BAIAP2L2: variants seen among roughly 807,000 people sequenced by gnomAD.
The protein encoded by BAIAP2L2 is BAR/IMD domain-containing adapter protein 2-like 2.
A neutral mutation model predicts 60.4 loss-of-function variants in BAIAP2L2; 65 were observed. The observed-to-expected ratio is 1.08, with a 90% CI of 0.88 to 1.32. The LOEUF is 1.32. Ranked by LOEUF, BAIAP2L2 falls within the 40% of genes most tolerant of loss-of-function variation. The pLI is 0.00. For synonymous variants in BAIAP2L2, 344 were observed against 301.7 expected, an observed-to-expected ratio of 1.14 and a Z score of -1.45; for missense variants, 836 against 741.2, an observed-to-expected ratio of 1.13 and a Z score of -1.48.
chr22:38,108,094 C>A (rs2086703757), intron 3 of BAIAP2L2, among the ~76,000 whole-genome samples, 161 bp downstream of exon 3: 1 of 152,220 alleles, frequency 6.6e-6, no homozygotes. Context: ...CTGGGAGCAG[C>A]CCGGCAGGGA....
At chr22:38,094,842 C>T (rs865816686) in intron 7 of BAIAP2L2, among the ~76,000 whole-genome samples, 17 of 148,984 alleles carry the variant, frequency 1.1e-4, no homozygotes, top group Middle Eastern at 6.8e-3. Context: ...GCGTGGGAGG[C>T]GTGGGAGGGA....
At position 38,108,462 on chromosome 22, in the gene BAIAP2L2, CCT is replaced by C. The variant is rs377623090; in HGVS notation, c.128-123_128-122del. 1.2e-4 allele frequency: 85 copies of C among 736,524 alleles called. 2 individuals are homozygous for C. The highest frequency in any genetic ancestry group is 6.5e-4 in the East Asian group (24 of 36,774). 45.6% of individuals were successfully genotyped at this position (736,524 alleles called of 1,614,324 possible). A position where few individuals can be genotyped will look rare whatever the true frequency, so the allele number is the denominator to read the frequency against. On this transcript the variant is annotated intron_variant, in intron 2 of 13. Coordinates refer to ENST00000381669, the MANE Select transcript of BAIAP2L2 (RefSeq NM_025045.6). ...TGGGGTGTGGGCATCTGTGTGTGCC[CCT>C]GAGGAGGGTGTGACCAGTTGAGCTG...
At chr22:38,086,119 C>G in intron 12 of BAIAP2L2, 123 bp downstream of exon 12, 3 of 1,109,298 alleles carry the variant, frequency 2.7e-6, no homozygotes, top group Non-Finnish European at 3.9e-6. Context: ...CACTGAGGAA[C>G]AGACTGAGTG....
intron 4 of BAIAP2L2, among the ~76,000 whole-genome samples, chr22:38,106,924 C>T (rs1202044063): frequency 1.3e-5 from 2 of 152,178 alleles, no homozygotes; most frequent in Non-Finnish European, 2.9e-5. Context: ...CTGCGGCGCT[C>T]CCAGTCTTGG....
chr22:38,100,963 G>A (rs1484380053), intron 4 of BAIAP2L2, among the ~76,000 whole-genome samples: 3 of 152,178 alleles, frequency 2.0e-5, no homozygotes, highest in South Asian at 2.1e-4. Context: ...CCTAGGGGGC[G>A]ACACTGACAA....
chr22:38,108,060 G>GA (rs1310117294), intron 3 of BAIAP2L2, 147 bp from the exon 4 acceptor site: 1 of 1,025,304 alleles, frequency 9.8e-7, no homozygotes, highest in East Asian at 2.6e-5. Flanking sequence ...GGTTCTCTGG[G>GA]AGCCAGGCCA....
In BAIAP2L2 at chr22:38,100,084, A is replaced by C. The variant is rs114185882; in HGVS notation, c.277-1602T>G. 7.5e-3 allele frequency among the ~76,000 whole-genome samples: 1,149 copies of C among 152,304 alleles called. 10 individuals are homozygous for C. Among genetic ancestry groups the C allele is most frequent in the African/African-American group, 0.025 (1,055 of 41,562 alleles). Reference sequence around the variant, plus strand: ...GTGTGTAGAGAAGGGTGTCAGCACCAAGAAGGAAGTGGCACGTAGGTTTCC... The same window carrying C: ...GTGTGTAGAGAAGGGTGTCAGCACCCAGAAGGAAGTGGCACGTAGGTTTCC... On this transcript the variant is annotated intron_variant, in intron 4 of 13. Transcript: ENST00000381669.
intron 7 of BAIAP2L2, chr22:38,090,829 G>C (rs1473524084): frequency 6.6e-6 from 1 of 152,084 alleles, no homozygotes; most frequent in East Asian, 1.9e-4. Flanking sequence ...TTTCTGCCTT[G>C]AACCTGGCCC....
intron 7 of BAIAP2L2, among the ~76,000 whole-genome samples, chr22:38,092,118 T>G (rs1018463631): frequency 1.2e-4 from 18 of 152,226 alleles, no homozygotes; most frequent in African/African-American, 4.1e-4. Context: ...GGAGATACAT[T>G]TGCACAGCTG....
chr22:38,102,042 T>G (rs1250419999), intron 4 of BAIAP2L2, among the ~76,000 whole-genome samples: 1 of 152,086 alleles, frequency 6.6e-6, no homozygotes, highest in Non-Finnish European at 1.5e-5. Context: ...AGCTGGGCGT[T>G]GAGGGACCTG....
At chr22:38,109,299 C>T in intron 1 of BAIAP2L2, 91 bp from the exon 2 acceptor site, 7 of 1,018,454 alleles carry the variant, frequency 6.9e-6, no homozygotes, top group Non-Finnish European at 1.1e-5. Context: ...GCGTCAGGGA[C>T]AGGGCACCCC....
At chr22:38,105,938 G>A (rs537169576) in intron 4 of BAIAP2L2, among the ~76,000 whole-genome samples, 3 of 152,298 alleles carry the variant, frequency 2.0e-5, no homozygotes, top group South Asian at 4.1e-4. Flanking sequence ...CTGGCCAGTG[G>A]ACCTGCCCAG....
At chr22:38,086,971 G>C (rs2086095536) in intron 11 of BAIAP2L2, among the ~76,000 whole-genome samples, 153 bp downstream of exon 11, 1 of 150,440 alleles carries the variant, frequency 6.6e-6, no homozygotes, top group Admixed American at 6.6e-5. Context: ...ACTCCAGCCT[G>C]GGTGACAGGG....
At chr22:38,098,022 C>CAGGG in intron 6 of BAIAP2L2, 41 bp downstream of exon 6, 5 of 790,944 alleles carry the variant, frequency 6.3e-6, no homozygotes, top group Non-Finnish European at 8.7e-6. Context: ...GGTCTGCCCA[C>CAGGG]CCGCCCTTCC....
intron 10 of BAIAP2L2, 79 bp downstream of exon 10, chr22:38,088,669 G>A: frequency 1.4e-6 from 2 of 1,418,748 alleles, no homozygotes; most frequent in Non-Finnish European, 1.9e-6. Flanking sequence ...GGAAACCTCA[G>A]TCCGGCAGGT....
At chr22:38,110,383 G>A in intron 1 of BAIAP2L2, 92 bp downstream of exon 1, 1 of 1,303,516 alleles carries the variant, frequency 7.7e-7, no homozygotes, top group Non-Finnish European at 1.1e-6. Context: ...GACATCTGTA[G>A]CCCCGGCTGG....
At chr22:38,101,119 A>T (rs1378371046) in intron 4 of BAIAP2L2, among the ~76,000 whole-genome samples, 2 of 152,162 alleles carry the variant, frequency 1.3e-5, no homozygotes, top group Non-Finnish European at 2.9e-5. Context: ...TTGTATGTAA[A>T]CTTTACCTCA....
chr22:38,101,946 A>G (rs979460787), intron 4 of BAIAP2L2, among the ~76,000 whole-genome samples: 4 of 152,218 alleles, frequency 2.6e-5, no homozygotes, highest in Non-Finnish European at 4.4e-5. Context: ...CTATGACAGT[A>G]TATCTCTACA....
intron 11 of BAIAP2L2, 119 bp downstream of exon 11, chr22:38,087,005 A>AC (rs1345789534): frequency 6.3e-6 from 8 of 1,266,034 alleles, no homozygotes; most frequent in Admixed American, 3.8e-5. Context: ...CAAAAAAAAA[A>AC]AAACAAAACA....
Sources: gnomAD v4.1 joint callset for allele counts (sites outside exome capture counted in the v4.1 genomes callset) on GRCh38, gnomAD v4.1.1 for gene constraint, MANE v1.5 for transcripts, NCBI Gene and HGNC (gene_info 2026-07-23, HGNC 2026-07-21) for gene names.